The following DMD variants were observed in gnomAD, a reference collection of about 807,000 sequenced individuals.
The protein encoded by DMD is dystrophin.
Under a neutral mutation model 330.1 loss-of-function variants are expected in DMD, and 63 were observed. The observed-to-expected ratio is 0.19, with a 90% confidence interval of 0.16 to 0.24. DMD has a LOEUF of 0.24. Among genes scored for constraint, DMD ranks in the 10% least tolerant of loss-of-function variants. The pLI, the probability that DMD is intolerant of heterozygous loss-of-function variation, is 1.00. For synonymous variants in DMD, 1,223 were observed against 959.8 expected, an observed-to-expected ratio of 1.27 and a Z score of -5.07; for missense variants, 3,344 against 2,684.1, an observed-to-expected ratio of 1.25 and a Z score of -5.43.
chrX:31,576,547 G>C (rs1311773513), intron 55 of DMD, among the ~76,000 whole-genome samples: 4 of 109,429 alleles, frequency 3.7e-5, no homozygotes, highest in Non-Finnish European at 7.6e-5. Flanking sequence ...GAAAAGTTTA[G>C]TTCTGCTTCT....
intron 59 of DMD, among the ~76,000 whole-genome samples, chrX:31,471,711 T>C (rs184935392): frequency 2.4e-4 from 27 of 112,655 alleles, no homozygotes; most frequent in Non-Finnish European, 4.5e-4. Context: ...AGTAAATCAA[T>C]ATATATGAAT....
chrX:32,104,778 T>C (rs977703662), intron 44 of DMD, among the ~76,000 whole-genome samples: 6 of 111,429 alleles, frequency 5.4e-5, no homozygotes, highest in African/African-American at 2.0e-4. Context: ...TTTTCAAATG[T>C]CCCCTGAATA....
intron 2 of DMD, among the ~76,000 whole-genome samples, chrX:32,935,188 C>T (rs895683886): frequency 8.9e-6 from 1 of 112,838 alleles, no homozygotes; most frequent in Non-Finnish European, 1.9e-5. Flanking sequence ...CCGTGTTAGC[C>T]AGGATGGTCT....
At chrX:32,653,963 G>C (rs1176692103) in intron 9 of DMD, among the ~76,000 whole-genome samples, 1 of 111,578 alleles carries the variant, frequency 9.0e-6, no homozygotes, top group Non-Finnish European at 1.9e-5. Flanking sequence ...GTCTGTTATT[G>C]GTGTATAAGA....
At chrX:33,146,299 T>A (rs1378319405) in intron 1 of DMD, among the ~76,000 whole-genome samples, 1 of 111,351 alleles carries the variant, frequency 9.0e-6, no homozygotes, top group Admixed American at 9.6e-5. Flanking sequence ...GCCCTACTAA[T>A]CTACTTTCTG....
At chrX:31,845,403 CT>C in intron 48 of DMD, among the ~76,000 whole-genome samples, 1 of 104,539 alleles carries the variant, frequency 9.6e-6, no homozygotes, top group African/African-American at 3.4e-5. Context: ...CTCTCTCTCT[CT>C]CTCTCTCTCT....
At chrX:32,923,429 C>T (rs2146596291) in intron 2 of DMD, among the ~76,000 whole-genome samples, 1 of 109,629 alleles carries the variant, frequency 9.1e-6, no homozygotes, top group African/African-American at 3.3e-5. Context: ...GGTGTGGTGG[C>T]ACACCCCTGT....
At chrX:31,585,658 TAAAAC>T (rs764903997) in intron 55 of DMD, among the ~76,000 whole-genome samples, 94 of 110,826 alleles carry the variant, frequency 8.5e-4, no homozygotes, top group Non-Finnish European at 1.6e-3. Flanking sequence ...CTGGCAAAAA[TAAAAC>T]AAAATAAGTC....
intron 45 of DMD, among the ~76,000 whole-genome samples, chrX:31,964,106 A>C (rs1158908956): frequency 8.9e-6 from 1 of 111,812 alleles, no homozygotes; most frequent in Non-Finnish European, 1.9e-5. Context: ...CTCGCCAAAC[A>C]TGTTTGACAT....
chrX:33,243,824 G>A (rs1459876156), intron 1 of DMD, among the ~76,000 whole-genome samples: 2 of 111,487 alleles, frequency 1.8e-5, no homozygotes, highest in African/African-American at 6.5e-5. Context: ...ACATGTGGGA[G>A]CAAAATAATG....
chrX:32,363,815 C>T (rs1409688242), intron 36 of DMD, among the ~76,000 whole-genome samples: 1 of 111,468 alleles, frequency 9.0e-6, no homozygotes, highest in African/African-American at 3.3e-5. Flanking sequence ...AAATAGTAAA[C>T]AACTAATCAA....
chrX:32,347,065 C>T (rs1452196608), intron 38 of DMD, among the ~76,000 whole-genome samples: 5 of 111,471 alleles, frequency 4.5e-5, no homozygotes, highest in Non-Finnish European at 9.4e-5. Context: ...ATCTATAATG[C>T]ATAAACTTCA....
At chrX:32,360,924 T>G (rs942199700) in intron 37 of DMD, among the ~76,000 whole-genome samples, 1 of 110,809 alleles carries the variant, frequency 9.0e-6, no homozygotes, top group African/African-American at 3.3e-5. Flanking sequence ...TTTCCAGAAG[T>G]ATACTTACAA....
chrX:32,321,486 G>A (rs2097614463), intron 41 of DMD, among the ~76,000 whole-genome samples: 1 of 111,323 alleles, frequency 9.0e-6, no homozygotes, highest in Middle Eastern at 4.2e-3. Flanking sequence ...TTTGACTTAA[G>A]AAGGGGGTCA....
intron 44 of DMD, among the ~76,000 whole-genome samples, chrX:32,135,936 G>C (rs1379575487): frequency 9.0e-6 from 1 of 111,445 alleles, no homozygotes; most frequent in Non-Finnish European, 1.9e-5. Flanking sequence ...TGGATGACAT[G>C]TTATAATTAG....
intron 44 of DMD, among the ~76,000 whole-genome samples, chrX:32,079,505 G>A (rs779887720): frequency 2.7e-5 from 3 of 111,041 alleles, no homozygotes; most frequent in South Asian, 7.7e-4. Flanking sequence ...GGAGGCACAC[G>A]AAAAGCTTGA....
chrX:33,014,758 T>C (rs937346866), intron 2 of DMD, among the ~76,000 whole-genome samples: 2 of 106,775 alleles, frequency 1.9e-5, no homozygotes, highest in East Asian at 3.1e-4. Flanking sequence ...TTCATAAATA[T>C]ATGCATTTTT....
chrX:33,099,733 CT>C (rs2095218182), intron 1 of DMD, among the ~76,000 whole-genome samples: 1 of 111,866 alleles, frequency 8.9e-6, no homozygotes, highest in African/African-American at 3.3e-5. Context: ...GGCATTAACT[CT>C]TCATCTTGCC....
At position 31,121,721 on chromosome X, in the gene DMD, C is replaced by A. The variant is rs917187037; in HGVS notation, c.*198G>T. ...AACTACTGAAATCTACAGTATAATA[C>A]CACTACCCTTCACAAAAATATAGAT... is the stretch of plus-strand genomic sequence containing the variant. On this transcript the variant is annotated 3_prime_UTR_variant, in exon 79 of 79. Transcript: ENST00000357033. 3.4e-6 allele frequency: 2 copies of A among 587,841 alleles called. No homozygotes were observed. The highest frequency in any genetic ancestry group is 5.7e-6 in the Non-Finnish European group (2 of 351,801). 48.4% of individuals were successfully genotyped at this position (587,841 alleles called of 1,213,427 possible). A position where few individuals can be genotyped will look rare whatever the true frequency, so the allele number is the denominator to read the frequency against.
Sources: allele counts gnomAD v4.1 joint callset (sites outside exome capture counted in the v4.1 genomes callset), GRCh38; gene constraint gnomAD v4.1.1; transcripts MANE v1.5; gene names NCBI Gene and HGNC (gene_info 2026-07-23, HGNC 2026-07-21).